RYR2: variants seen among roughly 807,000 people sequenced by gnomAD.
RYR2 encodes the protein cardiac muscle ryanodine receptor-calcium release channel.
In RYR2, 227 loss-of-function variants were observed where a neutral mutation model predicts 601.1. The ratio of observed to expected loss-of-function variants is 0.38; its 90% confidence interval spans 0.34 to 0.42. The LOEUF (loss-of-function observed/expected upper bound fraction) is 0.42. RYR2 is among the 10% of genes least tolerant of loss of function. The probability of loss-of-function intolerance (pLI) is 1.00; values close to 1 mark genes in which losing one functional copy is unlikely to be tolerated. For missense variants in RYR2, 4,646 were observed against 6,156.5 expected, an observed-to-expected ratio of 0.75 and a Z score of 8.21; for synonymous variants, 2,223 against 2,175.1, an observed-to-expected ratio of 1.02 and a Z score of -0.61.
chr1:237,666,345 T>C (rs1362178089), intron 56 of RYR2, among the ~76,000 whole-genome samples, 167 bp from the exon 57 acceptor site: 1 of 152,198 alleles, frequency 6.6e-6, no homozygotes, highest in Non-Finnish European at 1.5e-5. Context: ...CCAAATATAA[T>C]TTTAATGTGC....
intron 17 of RYR2, among the ~76,000 whole-genome samples, chr1:237,470,603 A>T (rs1396875547): frequency 6.6e-6 from 1 of 152,218 alleles, no homozygotes. Flanking sequence ...GTATCATAAC[A>T]TGAATGTAGT....
chr1:237,233,712 T>C (rs1685237476), intron 1 of RYR2, among the ~76,000 whole-genome samples: 2 of 152,122 alleles, frequency 1.3e-5, no homozygotes, highest in South Asian at 4.1e-4. Context: ...TGGGGTGCAG[T>C]GGTGCGATCT....
chr1:237,808,933 T>A lies in RYR2; in HGVS notation c.14331T>A (p.Val4777=). ...LVLTVGLLAV[V]VYLYTVVAFN... Reference sequence around the variant, plus strand: ...TAACCGTTGGCTTATTAGCTGTTGTTGTATACCTATACACTGTGGTGGCAT... The same window carrying A: ...TAACCGTTGGCTTATTAGCTGTTGTAGTATACCTATACACTGTGGTGGCAT... Residue 4777 remains valine (V), a synonymous_variant, in exon 100 of 105, where the codon GTT becomes GTA. Transcript: ENST00000366574. 6.2e-7 allele frequency: 1 copy of A among 1,613,724 alleles called. No individual in the cohort carries two copies. Among genetic ancestry groups the A allele is most frequent in the Non-Finnish European group, 8.5e-7 (1 of 1,179,604 alleles).
At chr1:237,230,998 G>A (rs1446357899) in intron 1 of RYR2, among the ~76,000 whole-genome samples, 3 of 150,152 alleles carry the variant, frequency 2.0e-5, no homozygotes, top group Non-Finnish European at 3.0e-5. Flanking sequence ...TTTTTCCTGT[G>A]CACAAGTTAA....
chr1:237,054,137 C>T (rs755233275), intron 1 of RYR2, among the ~76,000 whole-genome samples: 2 of 152,102 alleles, frequency 1.3e-5, no homozygotes, highest in Non-Finnish European at 2.9e-5. Context: ...CCAGGGTTTT[C>T]AGATGCCAAA....
At chr1:237,213,168 T>C (rs976132336) in intron 1 of RYR2, among the ~76,000 whole-genome samples, 2 of 152,140 alleles carry the variant, frequency 1.3e-5, no homozygotes, top group Non-Finnish European at 1.5e-5. Context: ...GTTTGGCTTA[T>C]TTTTTAGGTT....
intron 39 of RYR2, among the ~76,000 whole-genome samples, chr1:237,624,444 A>G (rs532873306): frequency 1.3e-5 from 2 of 152,326 alleles, no homozygotes; most frequent in African/African-American, 4.8e-5. Context: ...GGTTTCACAG[A>G]TGGATGCATG....
At chr1:237,539,293 A>G (rs776114299) in intron 25 of RYR2, among the ~76,000 whole-genome samples, 1 of 152,204 alleles carries the variant, frequency 6.6e-6, no homozygotes, top group Non-Finnish European at 1.5e-5. Flanking sequence ...TTTATATGAC[A>G]CACATATGCA....
chr1:237,648,670 A>T, intron 49 of RYR2, 57 bp downstream of exon 49: 1 of 1,520,586 alleles, frequency 6.6e-7, no homozygotes, highest in Non-Finnish European at 8.9e-7. Context: ...GTGCCTTATG[A>T]TGTTCTTTTT....
In RYR2 at chr1:237,593,646, C is replaced by G; in HGVS notation, c.4436+10C>G. 1 of 1,613,038 alleles carries G rather than the reference C, an allele frequency of 6.2e-7. No individual in the cohort carries two copies. The highest frequency in any genetic ancestry group is 1.7e-4 in the Middle Eastern group (1 of 6,058). Reference sequence around the variant, plus strand: ...GAAAAGTGCATGAAAGGTTAGTTTTCCTCAATTTTTTGCAAGAATGACATG... The same window carrying G: ...GAAAAGTGCATGAAAGGTTAGTTTTGCTCAATTTTTTGCAAGAATGACATG... On this transcript the variant is annotated intron_variant, in intron 33 of 104. Coordinates refer to ENST00000366574, the MANE Select transcript of RYR2 (RefSeq NM_001035.3).
chr1:237,691,384 A>G lies in RYR2; in HGVS notation c.9067+3880A>G, dbSNP rs149682130. Among the ~76,000 whole-genome samples, 10 of 152,294 alleles carry G rather than the reference A, an allele frequency of 6.6e-5. No individual in the cohort carries two copies. In the East Asian group the frequency reaches 1.4e-3, roughly 21 times the overall value. Reference sequence around the variant, plus strand: ...CAAAATACATGTTCTGGTGGTAGTAATTGTGGTGAGCAGAGTTTGATGGGT... The same window carrying G: ...CAAAATACATGTTCTGGTGGTAGTAGTTGTGGTGAGCAGAGTTTGATGGGT... On this transcript the variant is annotated intron_variant, in intron 63 of 104. Transcript: ENST00000366574.
chr1:237,219,031 T>TTA (rs1357040166), intron 1 of RYR2, among the ~76,000 whole-genome samples: 1 of 150,184 alleles, frequency 6.7e-6, no homozygotes, highest in Non-Finnish European at 1.5e-5. Context: ...TTTTTTTTTT[T>TTA]AGCTGGCGTC....
At chr1:237,669,950 G>A (rs1385403906) in intron 58 of RYR2, among the ~76,000 whole-genome samples, 25 of 152,206 alleles carry the variant, frequency 1.6e-4, no homozygotes, top group African/African-American at 6.0e-4. Flanking sequence ...CTGGGAGGTG[G>A]AGGTTGTAGC....
chr1:237,390,567 A>T (rs1702294041), intron 10 of RYR2, among the ~76,000 whole-genome samples: 1 of 150,378 alleles, frequency 6.6e-6, no homozygotes, highest in African/African-American at 2.5e-5. Context: ...ATTTAGCCAG[A>T]TATGATTGAA....
chr1:237,173,947 C>G (rs546254163), intron 1 of RYR2, among the ~76,000 whole-genome samples: 4 of 152,072 alleles, frequency 2.6e-5, no homozygotes, highest in Non-Finnish European at 5.9e-5. Context: ...GTCCCAGCTA[C>G]TCTGGAGGCT....
chr1:237,546,985 A>ATTTATT (rs71802424), intron 25 of RYR2, among the ~76,000 whole-genome samples: 112 of 120,568 alleles, frequency 9.3e-4, no homozygotes, highest in South Asian at 3.5e-3. Context: ...GCATATATAT[A>ATTTATT]TATATATATA....
rs1662182490 is a variant in RYR2 at position 237,819,405 on chromosome 1, G to A, written c.14590+213G>A. Among the ~76,000 whole-genome samples the A allele has an allele frequency of 6.6e-6, 1 of 152,160 alleles. No individual in the cohort carries two copies. Among genetic ancestry groups the A allele is most frequent in the African/African-American group, 2.4e-5 (1 of 41,444 alleles). ...TGAAGGGAAGATACAGTGTTATTTTGTCTTCTTTCAAATAACATAATGGAA... is the reference window on the plus strand; with the variant it reads ...TGAAGGGAAGATACAGTGTTATTTTATCTTCTTTCAAATAACATAATGGAA... On this transcript the variant is annotated intron_variant, in intron 101 of 104. Coordinates refer to ENST00000366574, the MANE Select transcript of RYR2 (RefSeq NM_001035.3). The surrounding 1 kb of genome is among the most constrained non-coding windows in gnomAD (Gnocchi z 4.0).
chr1:237,441,565 CTT>C, intron 13 of RYR2, 82 bp downstream of exon 13: 1 of 1,311,348 alleles, frequency 7.6e-7, no homozygotes, highest in South Asian at 2.0e-5. Context: ...ATTGGCTGAT[CTT>C]TTTAGTCACC....
chr1:237,117,685 C>CTCTTCTCT (rs1388734861), intron 1 of RYR2, among the ~76,000 whole-genome samples: 1 of 60,526 alleles, frequency 1.7e-5, no homozygotes, highest in African/African-American at 7.7e-5. Context: ...CTCTTCTCTT[C>CTCTTCTCT]TCTTCTCTTC....
Sources: allele counts gnomAD v4.1 joint callset (sites outside exome capture counted in the v4.1 genomes callset), GRCh38; gene constraint gnomAD v4.1.1; non-coding constraint Gnocchi (gnomAD v3.1); transcripts MANE v1.5; gene names NCBI Gene and HGNC (gene_info 2026-07-23, HGNC 2026-07-21).